The following UAP1L1 variants were observed in gnomAD, a reference collection of about 807,000 sequenced individuals.
UAP1L1 encodes UDP-N-acetylhexosamine pyrophosphorylase-like protein 1.
Under a neutral mutation model 45.3 loss-of-function variants are expected in UAP1L1, and 45 were observed. The ratio of observed to expected loss-of-function variants is 0.99; its 90% CI spans 0.78 to 1.27. The LOEUF (loss-of-function observed/expected upper bound fraction) is 1.27. Among genes scored for constraint, UAP1L1 ranks in the 50% most tolerant of loss-of-function variants. The pLI is 0.00. For synonymous variants in UAP1L1, 323 were observed against 303.9 expected (o/e 1.06, Z -0.65); for missense variants, 667 against 694.0 (o/e 0.96, Z 0.44).
rs1311249259 is a variant in UAP1L1, at chr9:137,079,103, C to T, written c.798C>T (p.Val266=). 6.2e-7 allele frequency: 1 copy of T among 1,611,874 alleles called. No homozygotes were observed. The highest frequency in any genetic ancestry group is 1.7e-5 in the Admixed American group (1 of 59,456). The change falls in exon 4 of 9, where the codon GTC becomes GTT. Residue 266 remains valine (V), a synonymous_variant. Transcript: ENST00000409858. ...TCCTGGTGCGGCTGGCGGACCCTGT[C>T]TTCATCGGCTTCTGTGTGTTGCAGG... is the stretch of plus-strand genomic sequence containing the variant. The part of the protein sequence containing the change: ...DNILVRLADP[V]FIGFCVLQGA...
chr9:137,080,889 G>A lies in UAP1L1; in HGVS notation c.1364+15G>A, dbSNP rs375200686. 1.2e-5 allele frequency: 18 copies of A among 1,557,960 alleles called. No individual in the cohort carries two copies. Among genetic ancestry groups the A allele is most frequent in the Non-Finnish European group, 1.4e-5 (16 of 1,158,402 alleles). ...GAGCTGCCCAGGTGAGTGTGGCCCTGGGGTAGCTACAGCCAGAAGGGGAGG... is the reference window on the plus strand; with the variant it reads ...GAGCTGCCCAGGTGAGTGTGGCCCTAGGGTAGCTACAGCCAGAAGGGGAGG... On this transcript the variant is annotated intron_variant, in intron 7 of 8. Transcript: ENST00000409858.
Position 137,079,066 on chromosome 9 carries a change from G to A in UAP1L1, c.761G>A (p.Cys254Tyr). Reference sequence around the variant, plus strand: ...GGAGTGGAGTTTGTGCACGTGTACTGTGTGGACAACATCCTGGTGCGGCTG... The same window carrying A: ...GGAGTGGAGTTTGTGCACGTGTACTATGTGGACAACATCCTGGTGCGGCTG... ...RRGVEFVHVY[C>Y]VDNILVRLAD... Residue 254 changes from cysteine (C) to tyrosine (Y), a missense_variant, in exon 4 of 9, where the codon TGT becomes TAT. Coordinates refer to ENST00000409858, the MANE Select transcript of UAP1L1 (RefSeq NM_207309.3). 6.2e-7 allele frequency: 1 copy of A among 1,610,816 alleles called. No individual in the cohort carries two copies. The highest frequency in any genetic ancestry group is 8.5e-7 in the Non-Finnish European group (1 of 1,179,244).
In UAP1L1 at chr9:137,078,638, G is replaced by T. The variant is rs140548955; in HGVS notation, c.631G>T (p.Val211Phe). The change falls in exon 3 of 9, where the codon GTT (valine) becomes TTT (phenylalanine). Residue 211 changes from valine to phenylalanine, a missense_variant. By Grantham distance (50) the Val-to-Phe change is conservative. Coordinates refer to ENST00000409858, the MANE Select transcript of UAP1L1 (RefSeq NM_207309.3). ...GCCTGCTGTGACCTTTGATGGCAAG[G>T]TTATCCTGGAGCGGAAAGACAAAGT... ...LLPAVTFDGK[V>F]ILERKDKVAM... The T allele has an allele frequency of 4.5e-4, 726 of 1,612,852 alleles. 1 individual carries two copies. Among genetic ancestry groups the T allele is most frequent in the Non-Finnish European group, 5.6e-4 (659 of 1,179,940 alleles).
chr9:137,079,961 T>C (rs1310181223), intron 5 of UAP1L1, 41 bp from the exon 6 acceptor site: 2 of 1,609,540 alleles, frequency 1.2e-6, no homozygotes, highest in East Asian at 2.2e-5. Context: ...GTGCCATATC[T>C]GATCTGTTTC....
Position 137,082,864 on chromosome 9 carries a change from A to AAGCAGCCT in UAP1L1, c.*136_*143dup. 1.5e-6 allele frequency: 1 copy of AAGCAGCCT among 672,280 alleles called. No homozygotes were observed. The allele number at this position is 672,280 out of a possible 1,614,324, so 41.6% of individuals were successfully genotyped here. The stretch of plus-strand genomic sequence containing the variant: ...AGCCCAGCCTGAGCTCTGGGTGGGA[A>AAGCAGCCT]AGCAGCCTGCCCCATGCTTCCAGCC... On this transcript the variant is annotated 3_prime_UTR_variant, in exon 9 of 9. Coordinates refer to ENST00000409858, the MANE Select transcript of UAP1L1 (RefSeq NM_207309.3). This position sits in a 1 kb window ranked among gnomAD's most constrained non-coding sequence, Gnocchi z 5.7.
chr9:137,077,727 C>A lies in UAP1L1; in HGVS notation c.195C>A (p.Pro65=). 1 of 1,178,852 alleles carries A rather than the reference C, an allele frequency of 8.5e-7. No homozygotes were observed. The highest frequency in any genetic ancestry group is 4.2e-5 in the South Asian group (1 of 23,952). The allele number at this position is 1,178,852 out of a possible 1,614,324, so 73.0% of individuals were successfully genotyped here. Residue 65 remains proline, a synonymous_variant, in exon 1 of 9, where the codon CCC becomes CCA. Transcript: ENST00000409858. This position sits in a 1 kb window ranked among gnomAD's most constrained non-coding sequence, Gnocchi z 4.7. The part of the protein sequence containing the change: ...EACARPHGPP[P]DLAARLRPLP... ...GCGCGCGCCCCCACGGCCCGCCGCC[C>A]GACTTGGCCGCGCGCCTGCGGCCCC...
In UAP1L1 at chr9:137,081,926, G is replaced by A. The variant is rs536380369; in HGVS notation, c.1365-72G>A. 11 of 1,442,414 alleles carry A rather than the reference G, an allele frequency of 7.6e-6. No homozygotes were observed. In the Admixed American group the frequency reaches 1.0e-4, roughly 13 times the overall value. The allele number at this position is 1,442,414 out of a possible 1,614,324, so 89.4% of individuals were successfully genotyped here. A position where few individuals can be genotyped will look rare whatever the true frequency, so the allele number is the denominator to read the frequency against. ...GGTGTGTAGAGCTCAGTCTCCTATC[G>A]GGACTGGGGGTGCTGGGGGAGGGCT... On this transcript the variant is annotated intron_variant, in intron 7 of 8. Transcript: ENST00000409858.
intron 6 of UAP1L1, chr9:137,080,412 T>G: frequency 1.7e-6 from 1 of 583,566 alleles, no homozygotes; most frequent in East Asian, 2.9e-5. Flanking sequence ...TTAGGAGAGG[T>G]CTCCTGGCCA....
intron 7 of UAP1L1, 97 bp from the exon 8 acceptor site, chr9:137,081,901 G>C: frequency 8.6e-7 from 1 of 1,160,236 alleles, no homozygotes; most frequent in Non-Finnish European, 1.3e-6. Flanking sequence ...TGGGGAGCCA[G>C]GTGTGTAGAG....
At chr9:137,078,904 A>G (rs1832740309) in intron 3 of UAP1L1, 72 bp from the exon 4 acceptor site, 4 of 1,510,260 alleles carry the variant, frequency 2.6e-6, no homozygotes, top group Non-Finnish European at 3.5e-6. Context: ...CCCCGCCTCC[A>G]GCACGTCCTA....
chr9:137,082,794 TC>T lies in UAP1L1; in HGVS notation c.*71del. The T allele has an allele frequency of 3.6e-6, 5 of 1,380,222 alleles. No homozygotes were observed. The highest frequency in any genetic ancestry group is 1.2e-5 in the South Asian group (1 of 80,330). 85.5% of individuals were successfully genotyped at this position (1,380,222 alleles called of 1,614,324 possible). On this transcript the variant is annotated 3_prime_UTR_variant, in exon 9 of 9. Transcript: ENST00000409858. This position sits in a 1 kb window ranked among gnomAD's most constrained non-coding sequence, Gnocchi z 5.7. ...GCCCCGGCATCCTGGAAGTCCCGACTCCCCCCAGACCTGCCAGCCCCGGCGT... is the reference window on the plus strand; with the variant it reads ...GCCCCGGCATCCTGGAAGTCCCGACTCCCCCAGACCTGCCAGCCCCGGCGT...
In UAP1L1 at chr9:137,082,021, C is replaced by A; in HGVS notation, c.1388C>A (p.Pro463Gln). ...LPSLPPNGDP[P>Q]AICEISPLVS... ...AGCTTGCCCCCAAATGGAGACCCTC[C>A]GGCCATCTGTGAGATATCGCCCTTG... Residue 463 changes from proline (P) to glutamine (Q), a missense_variant, in exon 8 of 9, where the codon CCG becomes CAG. Coordinates refer to ENST00000409858, the MANE Select transcript of UAP1L1 (RefSeq NM_207309.3). The surrounding 1 kb of genome is among the most constrained non-coding windows in gnomAD (Gnocchi z 5.7). 7 of 1,614,072 alleles carry A rather than the reference C, an allele frequency of 4.3e-6. No homozygotes were observed. The highest frequency in any genetic ancestry group is 5.9e-6 in the Non-Finnish European group (7 of 1,180,014).
In UAP1L1 at chr9:137,080,692, C is replaced by T. The variant is rs777690993; in HGVS notation, c.1182C>T (p.Asn394=). The stretch of plus-strand genomic sequence containing the variant: ...TGACTAGCCCTTTCCCCACCAGGAA[C>T]TTTGCTGCCTTGGAAGTGCTGCGGG... ...FVFDVFRFAK[N]FAALEVLREE... is the part of the protein sequence containing the mutation. Residue 394 remains asparagine (N), a synonymous_variant, in exon 7 of 9, where the codon AAC becomes AAT. Transcript: ENST00000409858. 1.2e-6 allele frequency: 2 copies of T among 1,609,314 alleles called. No individual in the cohort carries two copies. The highest frequency in any genetic ancestry group is 2.2e-5 in the East Asian group (1 of 44,848).
Position 137,079,990 on chromosome 9 carries a change from C to T in UAP1L1, c.1038-12C>T, listed in dbSNP as rs750496916. 1.2e-6 allele frequency: 2 copies of T among 1,612,892 alleles called. No individual in the cohort carries two copies. The highest frequency in any genetic ancestry group is 1.1e-5 in the South Asian group (1 of 91,064). ...CTGTTTCTTTCCTCCCCTCTGCTCT[C>T]CCGTGCCCCAGGGAGTTTGAGCCTT... On this transcript the variant is annotated splice_polypyrimidine_tract_variant and intron_variant, in intron 5 of 8. Coordinates refer to ENST00000409858, the MANE Select transcript of UAP1L1 (RefSeq NM_207309.3).
At chr9:137,080,633 T>C in intron 6 of UAP1L1, 56 bp from the exon 7 acceptor site, 3 of 1,536,344 alleles carry the variant, frequency 2.0e-6, no homozygotes, top group Non-Finnish European at 2.7e-6. Flanking sequence ...AGCTCTCACC[T>C]GCCCGGATCA....
Position 137,079,259 on chromosome 9 carries a change from G to C in UAP1L1, c.847G>C (p.Val283Leu), listed in dbSNP as rs1460310765. ...CCATCCCTGGTCTTGGCTGCAGGTG[G>C]TGGAAAAGGCATACCCCGAGGAGCC... is the stretch of plus-strand genomic sequence containing the variant. ...LQGADCGAKV[V>L]EKAYPEEPVG... Residue 283 changes from valine (V) to leucine (L), a missense_variant, in exon 5 of 9, where the codon GTG (valine) becomes CTG (leucine). Physicochemically the swap from Val to Leu is conservative, Grantham distance 32. Transcript: ENST00000409858. The C allele has an allele frequency of 6.2e-7, 1 of 1,608,748 alleles. No individual in the cohort carries two copies. The highest frequency in any genetic ancestry group is 8.5e-7 in the Non-Finnish European group (1 of 1,177,094).
intron 3 of UAP1L1, 102 bp downstream of exon 3, chr9:137,078,779 G>T: frequency 1.4e-6 from 2 of 1,408,266 alleles, no homozygotes; most frequent in Non-Finnish European, 9.5e-7. Context: ...GAGGCTGTGT[G>T]GTCCTGGGTT....
In UAP1L1 at chr9:137,077,896, C is replaced by G; in HGVS notation, c.289+75C>G. ...AGCGGGTGGGAACCGAGGCCGCGCT[C>G]GGGGAACTGTAGTTCTCCTCGCTAC... On this transcript the variant is annotated intron_variant, in intron 1 of 8. Coordinates refer to ENST00000409858, the MANE Select transcript of UAP1L1 (RefSeq NM_207309.3). The surrounding 1 kb of genome is among the most constrained non-coding windows in gnomAD (Gnocchi z 4.7). 2 of 1,468,070 alleles carry G rather than the reference C, an allele frequency of 1.4e-6. No individual in the cohort carries two copies. Among genetic ancestry groups the G allele is most frequent in the Non-Finnish European group, 1.8e-6 (2 of 1,112,584 alleles). 90.9% of individuals were successfully genotyped at this position (1,468,070 alleles called of 1,614,324 possible). A position where few individuals can be genotyped will look rare whatever the true frequency, so the allele number is the denominator to read the frequency against.
Position 137,077,856 on chromosome 9 carries a change from G to A in UAP1L1, c.289+35G>A, listed in dbSNP as rs1832716975. 3.5e-6 allele frequency: 5 copies of A among 1,433,570 alleles called. No homozygotes were observed. Among genetic ancestry groups the A allele is most frequent in the Non-Finnish European group, 4.6e-6 (5 of 1,098,314 alleles). The allele number at this position is 1,433,570 out of a possible 1,614,324, so 88.8% of individuals were successfully genotyped here. On this transcript the variant is annotated intron_variant, in intron 1 of 8. Coordinates refer to ENST00000409858, the MANE Select transcript of UAP1L1 (RefSeq NM_207309.3). The surrounding 1 kb of genome is among the most constrained non-coding windows in gnomAD (Gnocchi z 4.7). ...GTGGGAGGCCCTGGGGGCCGGCAGGGGGTCGTGCCCACGGAGCGGGTGGGA... is the reference window on the plus strand; with the variant it reads ...GTGGGAGGCCCTGGGGGCCGGCAGGAGGTCGTGCCCACGGAGCGGGTGGGA...
Sources: gnomAD v4.1 joint callset for allele counts on GRCh38, gnomAD v4.1.1 for gene constraint, Gnocchi (gnomAD v3.1) non-coding constraint, MANE v1.5 for transcripts, NCBI Gene and HGNC (gene_info 2026-07-23, HGNC 2026-07-21) for gene names.